CFTR: variants seen among roughly 807,000 people sequenced by gnomAD.
CFTR encodes the protein cystic fibrosis transmembrane conductance regulator.
A neutral mutation model predicts 171.6 loss-of-function variants in CFTR; 181 were observed. The ratio of observed to expected loss-of-function variants is 1.05; its 90% CI spans 0.93 to 1.19. The LOEUF is 1.19. CFTR is among the 50% of genes most tolerant of loss of function. The probability of loss-of-function intolerance (pLI) is 0.00; values close to 1 mark genes in which losing one functional copy is unlikely to be tolerated. For missense variants in CFTR, 1,968 were observed against 1,734.7 expected, an observed-to-expected ratio of 1.13 and a Z score of -2.39; for synonymous variants, 583 against 608.0, an observed-to-expected ratio of 0.96 and a Z score of 0.60.
rs121908796 is a variant in CFTR at position 117,590,444 on chromosome 7, G to T, written c.1766+5G>T. 3.8e-6 allele frequency: 6 copies of T among 1,598,500 alleles called. No individual in the cohort carries two copies. The East Asian group carries it at 1.1e-4, about 30-fold the overall frequency. ...AGAAAAAGAAATATTTGAAAGGTAT[G>T]TTCTTTGAATACCTTACTTATAATG... is the stretch of plus-strand genomic sequence containing the variant. On this transcript the variant is annotated splice_donor_5th_base_variant and intron_variant, in intron 13 of 26. Transcript: ENST00000003084.
At chr7:117,523,873 A>G (rs1798726441) in intron 3 of CFTR, among the ~76,000 whole-genome samples, 1 of 152,256 alleles carries the variant, frequency 6.6e-6, no homozygotes, top group Admixed American at 6.5e-5. Flanking sequence ...AAATAAAAAA[A>G]TCTTATACAA....
At chr7:117,614,771 T>C in intron 21 of CFTR, 58 bp downstream of exon 21, 2 of 1,067,584 alleles carry the variant, frequency 1.9e-6, no homozygotes, top group East Asian at 2.4e-5. Context: ...TAACAAAGTA[T>C]GAGTAATAGC....
At chr7:117,612,056 T>C (rs867208201) in intron 20 of CFTR, among the ~76,000 whole-genome samples, 7 of 126,850 alleles carry the variant, frequency 5.5e-5, no homozygotes, top group East Asian at 5.6e-4. Flanking sequence ...TATATATACA[T>C]ATATATATAT....
At chr7:117,627,888 T>C in intron 22 of CFTR, 118 bp downstream of exon 22, 1 of 1,050,088 alleles carries the variant, frequency 9.5e-7, no homozygotes, top group East Asian at 2.5e-5. Context: ...GTAGAATCAA[T>C]ATTAAACACA....
chr7:117,663,441 A>G (rs1383861666), intron 24 of CFTR, among the ~76,000 whole-genome samples: 2 of 151,928 alleles, frequency 1.3e-5, no homozygotes, highest in Non-Finnish European at 2.9e-5. Context: ...TGAGAAACCA[A>G]CCAAGGAAAG....
intron 20 of CFTR, among the ~76,000 whole-genome samples, chr7:117,614,080 G>T (rs1430593361): frequency 7.9e-6 from 1 of 125,964 alleles, no homozygotes; most frequent in Non-Finnish European, 1.6e-5. Context: ...TTTTCTGACT[G>T]TCCGGTGAAA....
At position 117,655,665 on chromosome 7, in the gene CFTR, C is replaced by T. The variant is rs139088630; in HGVS notation, c.3963+2734C>T. Among the ~76,000 whole-genome samples the T allele has an allele frequency of 5.3e-5, 8 of 152,306 alleles. No individual in the cohort carries two copies. In the East Asian group the frequency reaches 1.5e-3, roughly 29 times the overall value. The stretch of plus-strand genomic sequence containing the variant: ...TTACCTTGTTCCAAAGCTGCTTCCA[C>T]ATTGAGTATTTGTTACAGCAGTACC... On this transcript the variant is annotated intron_variant, in intron 24 of 26. Transcript: ENST00000003084.
rs912961527 is a variant in CFTR at position 117,645,705 on chromosome 7, C to T, written c.3873+3112C>T. Among the ~76,000 whole-genome samples the T allele has an allele frequency of 5.3e-5, 8 of 152,066 alleles. 1 individual carries two copies. Among genetic ancestry groups the T allele is most frequent in the Admixed American group, 2.0e-4 (3 of 15,256 alleles). ...TTTTGACTAATCCCAACATTCCACC[C>T]CCACATTCCAGTCCCACATGGGATT... On this transcript the variant is annotated intron_variant, in intron 23 of 26. Transcript: ENST00000003084.
At chr7:117,628,172 T>C (rs1359244935) in intron 22 of CFTR, among the ~76,000 whole-genome samples, 1 of 152,194 alleles carries the variant, frequency 6.6e-6, no homozygotes, top group East Asian at 1.9e-4. Flanking sequence ...AGTGATACTT[T>C]TTTTCTAGCT....
intron 10 of CFTR, among the ~76,000 whole-genome samples, chr7:117,555,043 AT>A (rs1799329934): frequency 6.6e-6 from 1 of 151,924 alleles, no homozygotes; most frequent in East Asian, 1.9e-4. Context: ...TTATTTGTGA[AT>A]TTTTTTTCAG....
At chr7:117,653,355 A>G (rs2116196828) in intron 24 of CFTR, among the ~76,000 whole-genome samples, 1 of 152,308 alleles carries the variant, frequency 6.6e-6, no homozygotes, top group South Asian at 2.1e-4. Context: ...GCTGCTTATA[A>G]GCAATCTTTG....
In CFTR at chr7:117,489,285, G is replaced by A. The variant is rs144793762; in HGVS notation, c.53+9138G>A. Among the ~76,000 whole-genome samples the A allele has an allele frequency of 3.7e-3, 557 of 152,148 alleles. 2 individuals are homozygous for A. The highest frequency in any genetic ancestry group is 0.027 in the Middle Eastern group (8 of 294). ...TATTTTTGCTCTGAATATGAAGAAC[G>A]CTTAGACTAAAACTTTAATTACGAT... On this transcript the variant is annotated intron_variant, in intron 1 of 26. Transcript: ENST00000003084.
intron 21 of CFTR, among the ~76,000 whole-genome samples, chr7:117,621,276 T>C (rs1337217728): frequency 6.6e-6 from 1 of 152,218 alleles, no homozygotes; most frequent in Non-Finnish European, 1.5e-5. Context: ...CTGAACTACA[T>C]GCTAAGACTC....
At chr7:117,551,073 A>G (rs1422412910) in intron 10 of CFTR, among the ~76,000 whole-genome samples, 1 of 152,340 alleles carries the variant, frequency 6.6e-6, no homozygotes, top group East Asian at 1.9e-4. Flanking sequence ...TAGTTCTTCT[A>G]CTTCTATAAC....
chr7:117,534,142 G>T (rs558374161), intron 4 of CFTR, 134 bp from the exon 5 acceptor site: 37 of 611,846 alleles, frequency 6.0e-5, no homozygotes, highest in African/African-American at 5.1e-4. Context: ...TAAGCTAGAT[G>T]AATAGAATAT....
intron 1 of CFTR, among the ~76,000 whole-genome samples, chr7:117,484,323 C>T (rs1798039816): frequency 6.6e-6 from 1 of 152,180 alleles, no homozygotes; most frequent in Non-Finnish European, 1.5e-5. Flanking sequence ...ATACAACTGC[C>T]AAGCATTCCC....
intron 11 of CFTR, among the ~76,000 whole-genome samples, chr7:117,563,984 C>A (rs1376022688): frequency 6.6e-6 from 1 of 152,052 alleles, no homozygotes; most frequent in African/African-American, 2.4e-5. Flanking sequence ...GTAATGAATA[C>A]AATAAGTAAC....
intron 2 of CFTR, among the ~76,000 whole-genome samples, chr7:117,508,538 A>G (rs1798459865): frequency 6.6e-6 from 1 of 152,230 alleles, no homozygotes; most frequent in Non-Finnish European, 1.5e-5. Context: ...AAAGTCTAAC[A>G]GATTTTTCTC....
At chr7:117,660,019 A>G (rs112420097) in intron 24 of CFTR, among the ~76,000 whole-genome samples, 3 of 148,808 alleles carry the variant, frequency 2.0e-5, no homozygotes, top group African/African-American at 7.4e-5. Context: ...ATCCTTTACA[A>G]ACTCTTAGAC....
Sources: allele counts gnomAD v4.1 joint callset (sites outside exome capture counted in the v4.1 genomes callset), GRCh38; gene constraint gnomAD v4.1.1; transcripts MANE v1.5; gene names NCBI Gene and HGNC (gene_info 2026-07-23, HGNC 2026-07-21).